The following KIDINS220 variants were observed in gnomAD, a reference collection of about 807,000 sequenced individuals.
The protein encoded by KIDINS220 is kinase D interacting substrate 220, also known as kinase D-interacting substrate of 220 kDa.
KIDINS220 carries 63 observed loss-of-function variants against 157.6 expected under a neutral mutation model. The ratio of observed to expected loss-of-function variants is 0.40; its 90% CI spans 0.33 to 0.49. The LOEUF is 0.49. KIDINS220 is among the 20% of genes least tolerant of loss of function. The probability of loss-of-function intolerance (pLI) is 0.66; values close to 1 mark genes in which losing one functional copy is unlikely to be tolerated. For missense variants in KIDINS220, 1,772 were observed against 2,171.2 expected, an observed-to-expected ratio of 0.82 and a Z score of 3.65; for synonymous variants, 732 against 783.6, an observed-to-expected ratio of 0.93 and a Z score of 1.10.
intron 21 of KIDINS220, among the ~76,000 whole-genome samples, chr2:8,774,080 C>T (rs939754316): frequency 1.3e-5 from 2 of 151,630 alleles, no homozygotes; most frequent in East Asian, 2.0e-4. Context: ...CCGAGGCGGG[C>T]GGATCAGGAG....
At chr2:8,776,977 T>C (rs1354717565) in intron 20 of KIDINS220, 85 bp from the exon 21 acceptor site, 15 of 1,415,428 alleles carry the variant, frequency 1.1e-5, no homozygotes, top group East Asian at 4.8e-5. Context: ...TAAATGTTTA[T>C]AACAAAAAAA....
chr2:8,784,679 A>C (rs1672157713), intron 17 of KIDINS220, among the ~76,000 whole-genome samples: 1 of 152,192 alleles, frequency 6.6e-6, no homozygotes, highest in Admixed American at 6.5e-5. Context: ...CAACATGTGT[A>C]ATCAGGGAAA....
rs1021580533 is a variant in KIDINS220, at chr2:8,770,675, G to A, written c.3006C>T (p.Tyr1002=). 19 of 1,576,652 alleles carry A rather than the reference G, an allele frequency of 1.2e-5. No homozygotes were observed. In the African/African-American group the frequency reaches 1.2e-4, roughly 10 times the overall value. The change falls in exon 22 of 30, where the codon TAC becomes TAT. Residue 1002 remains tyrosine (Y), a synonymous_variant. Coordinates refer to ENST00000256707, the MANE Select transcript of KIDINS220 (RefSeq NM_020738.4). ...IPDQMTLKTI[Y]ERISKNIPTT... is the part of the protein sequence containing the mutation. ...AAAGAGGTCACAAAAGGTACCTTTC[G>A]TAGATGGTTTTTAATGTCATTTGAT... is the stretch of plus-strand genomic sequence containing the variant.
Position 8,802,947 on chromosome 2 carries a change from C to A in KIDINS220, c.784G>T (p.Val262Leu). 1 of 1,613,892 alleles carries A rather than the reference C, an allele frequency of 6.2e-7. No individual in the cohort carries two copies. The highest frequency in any genetic ancestry group is 8.5e-7 in the Non-Finnish European group (1 of 1,179,958). Residue 262 changes from valine (V) to leucine (L), a missense_variant, in exon 8 of 30, where the codon GTG (valine) becomes TTG (leucine). Transcript: ENST00000256707. ...VQDLLDAGTY[V>L]NIPDRSGDTV... ...TGACCTACCCTGTCAGGTATGTTCACATATGTTCCAGCGTCGAGCAGATCC... is the reference window on the plus strand; with the variant it reads ...TGACCTACCCTGTCAGGTATGTTCAAATATGTTCCAGCGTCGAGCAGATCC...
At chr2:8,744,386 AAAATATATATATATAAT>A (rs1666183087) in intron 26 of KIDINS220, among the ~76,000 whole-genome samples, 6 of 26,862 alleles carry the variant, frequency 2.2e-4, no homozygotes, top group South Asian at 2.2e-3. Context: ...AAAAAAAAAA[AAAATATATATATATAAT>A]ATATATATAT....
rs767757262 is a variant in KIDINS220, at chr2:8,827,004, A to G, written c.90T>C (p.Asp30=). ...GTCTTACCTCATTTCTCTCATCTAC[A>G]TCTTTGCATTTTTCAAGAAGAGCTT... ...ALKALLEKCK[D]VDERNECGQT... Residue 30 remains aspartate (D), a synonymous_variant, in exon 2 of 30, where the codon GAT becomes GAC. Coordinates refer to ENST00000256707, the MANE Select transcript of KIDINS220 (RefSeq NM_020738.4). The G allele has an allele frequency of 7.5e-6, 12 of 1,606,558 alleles. No individual in the cohort carries two copies. In the Admixed American group the frequency reaches 1.2e-4, roughly 16 times the overall value.
At chr2:8,793,330 C>A (rs1490803616) in intron 12 of KIDINS220, among the ~76,000 whole-genome samples, 3 of 151,698 alleles carry the variant, frequency 2.0e-5, no homozygotes, top group Admixed American at 6.6e-5. Context: ...CTCGTCTCTA[C>A]AAAAAAAGAA....
chr2:8,733,533 T>A lies in KIDINS220; in HGVS notation c.3964A>T (p.Thr1322Ser). Reference protein sequence around the residue: ...ELPHTELSSQTPYTLNFSFEE... With the variant: ...ELPHTELSSQSPYTLNFSFEE... ...AAGCTGAAGTTGAGTGTGTAGGGCG[T>A]CTGGCTGGAGAGCTCGGTGTGAGGC... is the stretch of plus-strand genomic sequence containing the variant. Residue 1322 changes from threonine to serine, a missense_variant, in exon 29 of 30, where the codon ACG (threonine) becomes TCG (serine). Around this residue, in one of 3 missense-constraint regions of KIDINS220, gnomAD observed 793 missense variants for 885.5 expected, o/e 0.90. Coordinates refer to ENST00000256707, the MANE Select transcript of KIDINS220 (RefSeq NM_020738.4). The A allele has an allele frequency of 1.9e-6, 3 of 1,614,090 alleles. No individual in the cohort carries two copies. The highest frequency in any genetic ancestry group is 2.2e-5 in the South Asian group (2 of 91,080).
intron 27 of KIDINS220, among the ~76,000 whole-genome samples, chr2:8,736,218 A>G (rs1664835679): frequency 6.6e-6 from 1 of 152,252 alleles, no homozygotes; most frequent in Admixed American, 6.5e-5. Flanking sequence ...ACTCTGATAT[A>G]AAAAGTATAC....
chr2:8,732,337 A>G (rs1375135953), intron 29 of KIDINS220, among the ~76,000 whole-genome samples: 2 of 152,162 alleles, frequency 1.3e-5, no homozygotes. Flanking sequence ...GACTCAAGCA[A>G]TCCTCCCGCC....
Position 8,738,966 on chromosome 2 carries a change from C to T in KIDINS220, c.3586-1967G>A, listed in dbSNP as rs988861475. ...AGTAAAAAATTTATTTCAAAAATCC[C>T]GAAATCTCTCTACTTCCGATTGTGC... is the stretch of plus-strand genomic sequence containing the variant. On this transcript the variant is annotated intron_variant, in intron 26 of 29. Transcript: ENST00000256707. 6.6e-5 allele frequency among the ~76,000 whole-genome samples: 10 copies of T among 152,194 alleles called. No homozygotes were observed. In the South Asian group the frequency reaches 8.3e-4, roughly 13 times the overall value.
downstream of KIDINS220, chr2:8,727,291 G>A: frequency 9.5e-7 from 1 of 1,050,382 alleles, no homozygotes; most frequent in Non-Finnish European, 1.2e-6. Flanking sequence ...TGGGAATAAA[G>A]GAGGCTCGAT....
chr2:8,739,543 C>A (rs1411032845), intron 26 of KIDINS220, among the ~76,000 whole-genome samples: 1 of 151,960 alleles, frequency 6.6e-6, no homozygotes, highest in Non-Finnish European at 1.5e-5. Flanking sequence ...GTGGAAATCT[C>A]ATAAAAGGGA....
intron 10 of KIDINS220, among the ~76,000 whole-genome samples, chr2:8,797,431 G>A (rs1041529866): frequency 5.3e-5 from 8 of 152,162 alleles, no homozygotes; most frequent in African/African-American, 1.9e-4. Context: ...AGAAGCCACA[G>A]GTAGTCACCC....
At chr2:8,830,299 T>G (rs531108023) in intron 1 of KIDINS220, among the ~76,000 whole-genome samples, 1 of 152,246 alleles carries the variant, frequency 6.6e-6, no homozygotes, top group Non-Finnish European at 1.5e-5. Flanking sequence ...TGGGTGCCAC[T>G]GGACCTCAAA....
chr2:8,772,470 T>A (rs1163950803), intron 21 of KIDINS220, among the ~76,000 whole-genome samples: 5 of 150,730 alleles, frequency 3.3e-5, no homozygotes, highest in Admixed American at 3.3e-4. Flanking sequence ...AGCGAGACTA[T>A]CTCGAAAAAA....
chr2:8,794,961 C>A (rs1430457877), intron 11 of KIDINS220, among the ~76,000 whole-genome samples: 2 of 152,156 alleles, frequency 1.3e-5, no homozygotes, highest in African/African-American at 4.8e-5. Context: ...GTGCTTCGTA[C>A]TTTGGAGGAT....
intron 6 of KIDINS220, among the ~76,000 whole-genome samples, chr2:8,808,496 TC>T (rs1398958182): frequency 6.6e-6 from 1 of 152,146 alleles, no homozygotes; most frequent in Non-Finnish European, 1.5e-5. Flanking sequence ...CCTTACCCAC[TC>T]CCATTAGGGA....
At chr2:8,757,815 A>G (rs1421688044) in intron 22 of KIDINS220, 1 of 1,534,792 alleles carries the variant, frequency 6.5e-7, no homozygotes, top group African/African-American at 1.4e-5. Flanking sequence ...CATCTTCAGT[A>G]TGGCTCTGTC....
Sources: gnomAD v4.1 joint callset for allele counts (sites outside exome capture counted in the v4.1 genomes callset) on GRCh38, gnomAD v4.1.1 for gene constraint, gnomAD v4.1.1 regional missense constraint, MANE v1.5 for transcripts, NCBI Gene and HGNC (gene_info 2026-07-23, HGNC 2026-07-21) for gene names.